Variants in PPFIA2 observed in about 807,000 individuals in gnomAD.
The protein encoded by PPFIA2 is PPFI scaffold protein A2.
PPFIA2 carries 46 observed loss-of-function variants against 175.5 expected under a neutral mutation model. The observed-to-expected ratio is 0.26, with a 90% CI of 0.21 to 0.34. PPFIA2 has a LOEUF of 0.34. Ranked by LOEUF, PPFIA2 falls within the 10% of genes least tolerant of loss-of-function variation. PPFIA2 has a pLI of 1.00. For missense variants in PPFIA2, 1,179 were observed against 1,506.1 expected (o/e 0.78, Z 3.60); for synonymous variants, 568 against 511.4 (o/e 1.11, Z -1.49).
chr12:81,535,628 A>C, intron 4 of PPFIA2: 1 of 361,158 alleles, frequency 2.8e-6, no homozygotes, highest in Non-Finnish European at 5.4e-6. Context: ...ACCACCCCAC[A>C]GCAAACACAC....
intron 8 of PPFIA2, among the ~76,000 whole-genome samples, chr12:81,387,905 A>G (rs2039334573): frequency 6.6e-6 from 1 of 152,122 alleles, no homozygotes; most frequent in Admixed American, 6.6e-5. Flanking sequence ...ATTCCCAGAG[A>G]AATGTTCAGC....
chr12:81,593,795 G>A (rs1327794400), intron 4 of PPFIA2, among the ~76,000 whole-genome samples: 1 of 152,194 alleles, frequency 6.6e-6, no homozygotes, highest in Non-Finnish European at 1.5e-5. Context: ...TTTTAGGAAA[G>A]AAAGTAGAGT....
chr12:81,341,105 G>A lies in PPFIA2; in HGVS notation c.2366C>T (p.Pro789Leu). The change falls in exon 20 of 33, where the codon CCT (proline) becomes CTT (leucine). Residue 789 changes from proline (P) to leucine (L), a missense_variant. Transcript: ENST00000549396. ...PRALRMTHTL[P>L]SSYHNDARSS... The stretch of plus-strand genomic sequence containing the variant: ...TCGAGCATCATTGTGGTAGGAAGAA[G>A]GGAGAGTGTGAGTCATTCTGAGGGC... 1 of 1,611,052 alleles carries A rather than the reference G, an allele frequency of 6.2e-7. No homozygotes were observed. The highest frequency in any genetic ancestry group is 8.5e-7 in the Non-Finnish European group (1 of 1,177,600).
At chr12:81,557,492 A>T (rs553002295) in intron 4 of PPFIA2, among the ~76,000 whole-genome samples, 42 of 152,072 alleles carry the variant, frequency 2.8e-4, no homozygotes, top group African/African-American at 1.0e-3. Flanking sequence ...TTTCTTTCCC[A>T]TTGACCAAAG....
At chr12:81,676,692 C>T (rs754357786) in intron 4 of PPFIA2, 99 bp downstream of exon 4, 8 of 750,824 alleles carry the variant, frequency 1.1e-5, no homozygotes, top group African/African-American at 1.8e-5. Flanking sequence ...ATAAAAAGTA[C>T]CTGCATATGA....
Position 81,405,873 on chromosome 12 carries a change from T to C in PPFIA2, c.676A>G (p.Ile226Val), listed in dbSNP as rs2042848499. The change falls in exon 8 of 33, where the codon ATA becomes GTA. Residue 226 changes from isoleucine (I) to valine (V), a missense_variant. Transcript: ENST00000549396. ...TCGCTTGATGCCATTTTTCTTTGTA[T>C]ATGAACATTTTGTTCACGCAAGGCA... The part of the protein sequence containing the change: ...IVALREQNVH[I>V]QRKMASSEGS... The C allele has an allele frequency of 3.8e-6, 6 of 1,574,132 alleles. No individual in the cohort carries two copies. Among genetic ancestry groups the C allele is most frequent in the Non-Finnish European group, 5.2e-6 (6 of 1,157,722 alleles).
At chr12:81,559,368 T>G (rs1421856375) in intron 4 of PPFIA2, among the ~76,000 whole-genome samples, 1 of 152,206 alleles carries the variant, frequency 6.6e-6, no homozygotes, top group Non-Finnish European at 1.5e-5. Context: ...TATAGGACAA[T>G]AAAACATGAC....
At chr12:81,412,821 G>A (rs1453115322) in intron 7 of PPFIA2, among the ~76,000 whole-genome samples, 2 of 151,860 alleles carry the variant, frequency 1.3e-5, no homozygotes, top group Non-Finnish European at 2.9e-5. Context: ...GCTATGTAAT[G>A]ACAATGACAA....
intron 25 of PPFIA2, among the ~76,000 whole-genome samples, 179 bp downstream of exon 25, chr12:81,284,062 T>A (rs2042707449): frequency 6.6e-6 from 1 of 152,144 alleles, no homozygotes; most frequent in Non-Finnish European, 1.5e-5. Context: ...TAACACTATT[T>A]CATTAAAAAA....
chr12:81,642,687 T>G (rs1226685938), intron 4 of PPFIA2, among the ~76,000 whole-genome samples: 1 of 113,910 alleles, frequency 8.8e-6, no homozygotes, highest in African/African-American at 3.2e-5. Flanking sequence ...ATGTATCTAT[T>G]ATATACATAC....
intron 4 of PPFIA2, among the ~76,000 whole-genome samples, chr12:81,593,477 A>G (rs2058906575): frequency 1.3e-5 from 2 of 152,216 alleles, no homozygotes; most frequent in Non-Finnish European, 2.9e-5. Context: ...GTTAAATTTT[A>G]ATAGGTAAAT....
At chr12:81,743,674 G>T (rs1005397122) in intron 3 of PPFIA2, among the ~76,000 whole-genome samples, 15 of 151,964 alleles carry the variant, frequency 9.9e-5, no homozygotes, top group South Asian at 2.1e-4. Flanking sequence ...GGAAAAAGTT[G>T]ACCTTTTCTA....
chr12:81,726,068 C>A lies in PPFIA2; in HGVS notation c.249+27905G>T, dbSNP rs1596883138. On this transcript the variant is annotated intron_variant, in intron 3 of 32. Transcript: ENST00000549396. Reference sequence around the variant, plus strand: ...ACTTCACTGAAGAAATTGAGTCAACCAGAAGAGAACTTCCACCAACTCCCC... The same window carrying A: ...ACTTCACTGAAGAAATTGAGTCAACAAGAAGAGAACTTCCACCAACTCCCC... Among the ~76,000 whole-genome samples, 5 of 151,216 alleles carry A rather than the reference C, an allele frequency of 3.3e-5. 1 individual carries two copies. The Middle Eastern group carries it at 0.014, about 411-fold the overall frequency.
intron 3 of PPFIA2, among the ~76,000 whole-genome samples, chr12:81,747,125 T>C (rs987581036): frequency 8.3e-5 from 12 of 143,914 alleles, no homozygotes; most frequent in African/African-American, 2.9e-4. Context: ...AGATATTTTA[T>C]TTGGCCAAAA....
intron 22 of PPFIA2, among the ~76,000 whole-genome samples, chr12:81,311,650 A>G (rs886852907): frequency 6.7e-6 from 1 of 149,346 alleles, no homozygotes; most frequent in African/African-American, 2.5e-5. Flanking sequence ...GGAGAATGGC[A>G]TGAACCTGGG....
intron 4 of PPFIA2, among the ~76,000 whole-genome samples, chr12:81,532,507 G>A (rs2153284960): frequency 6.6e-6 from 1 of 151,792 alleles, no homozygotes; most frequent in Admixed American, 6.6e-5. Flanking sequence ...TAGTTTACAT[G>A]GGTTCCATTG....
chr12:81,338,083 C>A (rs2057408953), intron 21 of PPFIA2, among the ~76,000 whole-genome samples: 1 of 152,094 alleles, frequency 6.6e-6, no homozygotes, highest in East Asian at 1.9e-4. Flanking sequence ...CCAGGAAAGG[C>A]ATTTTTGGAT....
At chr12:81,742,786 G>A (rs775867339) in intron 3 of PPFIA2, among the ~76,000 whole-genome samples, 4 of 152,126 alleles carry the variant, frequency 2.6e-5, no homozygotes, top group Non-Finnish European at 5.9e-5. Flanking sequence ...GCAAGTGAAC[G>A]ATAATAAAGA....
At chr12:81,529,438 T>C (rs893304141) in intron 4 of PPFIA2, among the ~76,000 whole-genome samples, 2 of 151,596 alleles carry the variant, frequency 1.3e-5, no homozygotes, top group African/African-American at 4.8e-5. Flanking sequence ...AAAAACCCAA[T>C]CCAATAGTCC....
Sources: gnomAD v4.1 joint callset for allele counts (sites outside exome capture counted in the v4.1 genomes callset) on GRCh38, gnomAD v4.1.1 for gene constraint, MANE v1.5 for transcripts, NCBI Gene and HGNC (gene_info 2026-07-23, HGNC 2026-07-21) for gene names.